The following PKP4 variants were observed in gnomAD, a reference collection of about 807,000 sequenced individuals.
PKP4 encodes plakophilin 4.
PKP4 carries 90 observed loss-of-function variants against 145.1 expected under a neutral mutation model. The ratio of observed to expected loss-of-function variants is 0.62; its 90% CI spans 0.52 to 0.74. The LOEUF is 0.74. Among genes scored for constraint, PKP4 ranks in the 30% least tolerant of loss-of-function variants. The pLI, the probability that PKP4 is intolerant of heterozygous loss-of-function variation, is 0.00. For missense variants in PKP4, 1,340 were observed against 1,482.7 expected (o/e 0.90, Z 1.58); for synonymous variants, 563 against 577.2 (o/e 0.98, Z 0.35).
intron 1 of PKP4, among the ~76,000 whole-genome samples, chr2:158,499,639 C>T (rs1319047368): frequency 6.6e-6 from 1 of 152,176 alleles, no homozygotes; most frequent in Admixed American, 6.5e-5. Context: ...CACCACTGAC[C>T]CCTCCTGCCA....
rs746218951 is a variant in PKP4 at position 158,663,046 on chromosome 2, G to A, written c.2361G>A (p.Gly787=). The part of the protein sequence containing the change: ...PSKDSEPSCW[G]KKKKKKKRTP... ...AAGACTCTGAGCCAAGTTGCTGGGG[G>A]AAGAAGAAGAAAAAGAAAAAGAGGA... is the stretch of plus-strand genomic sequence containing the variant. Residue 787 remains glycine (G), a synonymous_variant, in exon 14 of 22, where the codon GGG becomes GGA. Coordinates refer to ENST00000389759, the MANE Select transcript of PKP4 (RefSeq NM_003628.6). The A allele has an allele frequency of 3.1e-6, 5 of 1,611,950 alleles. No homozygotes were observed. In the East Asian group the frequency reaches 8.9e-5, roughly 29 times the overall value.
intron 2 of PKP4, among the ~76,000 whole-genome samples, chr2:158,555,676 TTTGG>T (rs1428969461): frequency 1.3e-5 from 2 of 152,228 alleles, no homozygotes; most frequent in Non-Finnish European, 2.9e-5. Flanking sequence ...TGGATTTGCC[TTTGG>T]TTGATTTTCT....
rs199729721 is a variant in PKP4, at chr2:158,658,299, C to T, written c.2078C>T (p.Thr693Met). The T allele has an allele frequency of 1.8e-4, 281 of 1,591,948 alleles. No homozygotes were observed. The highest frequency in any genetic ancestry group is 2.0e-4 in the Non-Finnish European group (231 of 1,166,088). ...CAGACTTCACTAGTTCTGCGTAACA[C>T]GACAGGTTGCCTAAGGTAAATTCTT... The part of the protein sequence containing the change: ...KFQTSLVLRN[T>M]TGCLRNLSSA... Residue 693 changes from threonine (T) to methionine (M), a missense_variant, in exon 12 of 22, where the codon ACG becomes ATG. Thr to Met is a moderately conservative substitution (Grantham distance 81). Coordinates refer to ENST00000389759, the MANE Select transcript of PKP4 (RefSeq NM_003628.6).
At chr2:158,491,318 C>T (rs1694902819) in intron 1 of PKP4, among the ~76,000 whole-genome samples, 1 of 152,150 alleles carries the variant, frequency 6.6e-6, no homozygotes, top group Non-Finnish European at 1.5e-5. Flanking sequence ...CTTACTTTGC[C>T]TGAGCTGTGC....
chr2:158,536,250 TCA>T (rs1328699511), intron 2 of PKP4, among the ~76,000 whole-genome samples: 1 of 152,208 alleles, frequency 6.6e-6, no homozygotes, highest in East Asian at 1.9e-4. Flanking sequence ...CATATTGATC[TCA>T]CAAAAACTGT....
intron 2 of PKP4, among the ~76,000 whole-genome samples, chr2:158,574,769 T>C (rs1450217297): frequency 6.6e-6 from 1 of 152,222 alleles, no homozygotes; most frequent in African/African-American, 2.4e-5. Context: ...ATAGGTTGAA[T>C]GGTTTTGATA....
At chr2:158,645,727 A>G (rs1412638292) in intron 11 of PKP4, among the ~76,000 whole-genome samples, 2 of 152,212 alleles carry the variant, frequency 1.3e-5, no homozygotes, top group African/African-American at 4.8e-5. Flanking sequence ...CATAGGAGGA[A>G]TGAGTCTTTT....
intron 3 of PKP4, among the ~76,000 whole-genome samples, chr2:158,595,473 G>A (rs1344503651): frequency 1.3e-5 from 2 of 152,058 alleles, no homozygotes; most frequent in Non-Finnish European, 2.9e-5. Context: ...ATAAATTCAC[G>A]AGCACTCAAG....
chr2:158,494,997 T>A (rs1192981447), intron 1 of PKP4, among the ~76,000 whole-genome samples: 2 of 151,812 alleles, frequency 1.3e-5, no homozygotes, highest in Non-Finnish European at 2.9e-5. Flanking sequence ...GGCAGGCGGA[T>A]CATGAGGTCA....
intron 15 of PKP4, among the ~76,000 whole-genome samples, chr2:158,664,057 G>C (rs1271794874): frequency 1.3e-5 from 2 of 152,212 alleles, no homozygotes; most frequent in African/African-American, 4.8e-5. Flanking sequence ...ACACACAGGA[G>C]GGACTACCGA....
chr2:158,648,867 C>T (rs1485179553), intron 11 of PKP4, among the ~76,000 whole-genome samples: 1 of 147,840 alleles, frequency 6.8e-6, no homozygotes, highest in African/African-American at 2.5e-5. Context: ...GGTGTGGTGG[C>T]ACATGCCTGT....
chr2:158,676,230 A>G (rs1206831353), intron 19 of PKP4, among the ~76,000 whole-genome samples: 2 of 152,226 alleles, frequency 1.3e-5, no homozygotes. Context: ...ACATGTTTAG[A>G]GATGTGGATA....
At chr2:158,559,922 A>T (rs1225335252) in intron 2 of PKP4, among the ~76,000 whole-genome samples, 1 of 151,832 alleles carries the variant, frequency 6.6e-6, no homozygotes, top group Non-Finnish European at 1.5e-5. Context: ...GCTGGAGTGC[A>T]GTGGCGCGAT....
chr2:158,624,411 A>T (rs976204400), intron 6 of PKP4, among the ~76,000 whole-genome samples: 1 of 152,232 alleles, frequency 6.6e-6, no homozygotes, highest in Non-Finnish European at 1.5e-5. Flanking sequence ...CTACATTTAG[A>T]CTGATATATT....
At chr2:158,457,352 G>C (rs1000480969) in intron 1 of PKP4, 134 bp downstream of exon 1, 11 of 152,172 alleles carry the variant, frequency 7.2e-5, no homozygotes, top group Non-Finnish European at 1.2e-4. Flanking sequence ...CGCGTCCCCA[G>C]CGCCTCGCGG....
chr2:158,625,265 G>A lies in PKP4; in HGVS notation c.991G>A (p.Gly331Ser), dbSNP rs1207432358. Residue 331 changes from glycine to serine, a missense_variant, in exon 7 of 22, where the codon GGC becomes AGC. Coordinates refer to ENST00000389759, the MANE Select transcript of PKP4 (RefSeq NM_003628.6). ...AQTRVASPSQ[G>S]QVGSSSPKRS... ...GACTCGAGTAGCTTCCCCATCCCAA[G>A]GCCAGGTGGGGTCGTCGTCCCCCAA... The A allele has an allele frequency of 1.9e-6, 3 of 1,614,142 alleles. No homozygotes were observed. Among genetic ancestry groups the A allele is most frequent in the Non-Finnish European group, 2.5e-6 (3 of 1,180,030 alleles).
At chr2:158,551,763 C>T (rs562119802) in intron 2 of PKP4, among the ~76,000 whole-genome samples, 6 of 152,194 alleles carry the variant, frequency 3.9e-5, no homozygotes, top group East Asian at 1.9e-4. Flanking sequence ...TATACTTATT[C>T]GTAAGTGAAA....
At chr2:158,658,086 C>A in intron 11 of PKP4, 45 bp from the exon 12 acceptor site, 2 of 1,080,564 alleles carry the variant, frequency 1.9e-6, no homozygotes, top group Non-Finnish European at 2.8e-6. Flanking sequence ...ATTTCTAAAG[C>A]CACAGGATCT....
intron 3 of PKP4, among the ~76,000 whole-genome samples, chr2:158,600,176 G>C (rs1488137219): frequency 3.9e-5 from 6 of 152,200 alleles, no homozygotes; most frequent in Non-Finnish European, 8.8e-5. Flanking sequence ...TTCACCATCT[G>C]ACTGGACAGC....
Sources: allele counts gnomAD v4.1 joint callset (sites outside exome capture counted in the v4.1 genomes callset), GRCh38; gene constraint gnomAD v4.1.1; transcripts MANE v1.5; gene names NCBI Gene and HGNC (gene_info 2026-07-23, HGNC 2026-07-21).